CNTN5: variants seen among roughly 807,000 people sequenced by gnomAD.
CNTN5 encodes the protein contactin-5.
Under a neutral mutation model 129.1 loss-of-function variants are expected in CNTN5, and 77 were observed. The observed-to-expected ratio is 0.60, with a 90% CI of 0.50 to 0.72. The LOEUF (loss-of-function observed/expected upper bound fraction) is 0.72, where lower values mean the gene tolerates loss of function less well. Ranked by LOEUF, CNTN5 falls within the 30% of genes least tolerant of loss-of-function variation. The pLI, the probability that CNTN5 is intolerant of heterozygous loss-of-function variation, is 0.00. For missense variants in CNTN5, 1,478 were observed against 1,328.8 expected, an observed-to-expected ratio of 1.11 and a Z score of -1.75; for synonymous variants, 509 against 465.6, an observed-to-expected ratio of 1.09 and a Z score of -1.20.
chr11:100,171,232 A>G (rs935886525), intron 13 of CNTN5, among the ~76,000 whole-genome samples: 16 of 152,064 alleles, frequency 1.1e-4, no homozygotes, highest in African/African-American at 3.9e-4. Context: ...ATAATTTAAA[A>G]TGGACTAAGA....
intron 2 of CNTN5, among the ~76,000 whole-genome samples, chr11:99,469,742 A>T (rs1183023038): frequency 6.6e-6 from 1 of 151,922 alleles, no homozygotes; most frequent in Non-Finnish European, 1.5e-5. Flanking sequence ...ATAAATTTTT[A>T]AATTTTTTTT....
intron 23 of CNTN5, among the ~76,000 whole-genome samples, chr11:100,346,644 T>C (rs1439241988): frequency 6.6e-6 from 1 of 152,144 alleles, no homozygotes; most frequent in East Asian, 1.9e-4. Context: ...TAGCCTTTCC[T>C]AGATATACAA....
chr11:99,176,577 T>C (rs902041751), intron 1 of CNTN5, among the ~76,000 whole-genome samples: 4 of 152,166 alleles, frequency 2.6e-5, no homozygotes, highest in South Asian at 2.1e-4. Flanking sequence ...CAGTTGAGAG[T>C]TGTGCAAGCC....
chr11:99,819,330 CT>C (rs1946704052), intron 3 of CNTN5, among the ~76,000 whole-genome samples: 1 of 109,008 alleles, frequency 9.2e-6, no homozygotes, highest in African/African-American at 3.6e-5. Context: ...CTCCCCTCCC[CT>C]CCCCTCCTTT....
intron 4 of CNTN5, among the ~76,000 whole-genome samples, chr11:99,842,188 C>A (rs990977466): frequency 6.6e-6 from 1 of 152,024 alleles, no homozygotes; most frequent in African/African-American, 2.4e-5. Context: ...AGCCACCACA[C>A]CCGGGTATTT....
chr11:99,435,716 T>A (rs1204948493), intron 2 of CNTN5, among the ~76,000 whole-genome samples: 1 of 152,242 alleles, frequency 6.6e-6, no homozygotes, highest in Non-Finnish European at 1.5e-5. Flanking sequence ...ATATTGGGAC[T>A]AGTTCTGTCT....
At chr11:99,811,486 CTATT>C (rs957174261) in intron 3 of CNTN5, among the ~76,000 whole-genome samples, 1 of 147,388 alleles carries the variant, frequency 6.8e-6, no homozygotes, top group African/African-American at 2.5e-5. Flanking sequence ...AATATTATAA[CTATT>C]ATATTTATAA....
intron 6 of CNTN5, among the ~76,000 whole-genome samples, chr11:99,848,372 T>C (rs1202773718): frequency 6.6e-6 from 1 of 152,152 alleles, no homozygotes; most frequent in Non-Finnish European, 1.5e-5. Flanking sequence ...CTTATTACTT[T>C]TGTCACATTT....
chr11:99,710,427 G>A (rs1954927095), intron 3 of CNTN5, among the ~76,000 whole-genome samples: 1 of 151,806 alleles, frequency 6.6e-6, no homozygotes, highest in African/African-American at 2.4e-5. Context: ...AAGGGTGTGT[G>A]TCTGTTGTTG....
intron 6 of CNTN5, among the ~76,000 whole-genome samples, chr11:99,901,058 G>T (rs1949343697): frequency 6.6e-6 from 1 of 152,072 alleles, no homozygotes; most frequent in African/African-American, 2.4e-5. Context: ...CTGAGCTTCA[G>T]TTTCTCACAA....
chr11:99,564,816 A>G (rs953824777), intron 3 of CNTN5, among the ~76,000 whole-genome samples: 18 of 152,186 alleles, frequency 1.2e-4, no homozygotes, highest in Non-Finnish European at 2.2e-4. Context: ...TCTACTTTCA[A>G]TTTATAAGCA....
At chr11:100,140,147 C>T (rs988733835) in intron 13 of CNTN5, among the ~76,000 whole-genome samples, 1 of 152,068 alleles carries the variant, frequency 6.6e-6, no homozygotes, top group African/African-American at 2.4e-5. Flanking sequence ...GAAATAATTG[C>T]CTGAAAGAGC....
At chr11:100,157,699 C>T (rs117761941) in intron 13 of CNTN5, among the ~76,000 whole-genome samples, 14 of 151,846 alleles carry the variant, frequency 9.2e-5, no homozygotes, top group Non-Finnish European at 2.1e-4. Context: ...AACTATGATA[C>T]AGTCTTATAA....
chr11:100,078,090 A>C (rs1432222059), intron 13 of CNTN5, among the ~76,000 whole-genome samples: 4 of 152,168 alleles, frequency 2.6e-5, no homozygotes, highest in Non-Finnish European at 5.9e-5. Context: ...TGAAGGTTAT[A>C]GTTCGTCATT....
chr11:99,610,458 G>A (rs964611940), intron 3 of CNTN5, among the ~76,000 whole-genome samples: 11 of 152,052 alleles, frequency 7.2e-5, no homozygotes, highest in African/African-American at 2.4e-4. Context: ...AGGTGGATAG[G>A]GATCTTAGAA....
chr11:99,589,776 A>G (rs201817448), intron 3 of CNTN5, among the ~76,000 whole-genome samples: 2 of 152,338 alleles, frequency 1.3e-5, no homozygotes, highest in East Asian at 1.9e-4. Context: ...AACAAATACT[A>G]TGTCTCTAAC....
intron 2 of CNTN5, among the ~76,000 whole-genome samples, chr11:99,496,982 TC>T (rs1946250831): frequency 6.6e-6 from 1 of 152,206 alleles, no homozygotes; most frequent in Admixed American, 6.5e-5. Flanking sequence ...TTCCAGTGCT[TC>T]CTAGTTGTTT....
chr11:99,647,088 T>G (rs568277352), intron 3 of CNTN5, among the ~76,000 whole-genome samples: 1 of 152,210 alleles, frequency 6.6e-6, no homozygotes, highest in African/African-American at 2.4e-5. Flanking sequence ...GAGGTCTTAG[T>G]CATCACATCT....
intron 13 of CNTN5, among the ~76,000 whole-genome samples, chr11:100,127,090 A>G (rs1231428332): frequency 1.5e-5 from 2 of 136,046 alleles, no homozygotes; most frequent in African/African-American, 5.6e-5. Context: ...CACCATGCGC[A>G]GCTAATTTTT....
Sources: gnomAD v4.1 joint callset for allele counts (sites outside exome capture counted in the v4.1 genomes callset) on GRCh38, gnomAD v4.1.1 for gene constraint, MANE v1.5 for transcripts, NCBI Gene and HGNC (gene_info 2026-07-23, HGNC 2026-07-21) for gene names.